The following METTL24 variants were observed in gnomAD, a reference collection of about 807,000 sequenced individuals.
The protein encoded by METTL24 is probable methyltransferase-like protein 24.
Under a neutral mutation model 32.7 loss-of-function variants are expected in METTL24, and 29 were observed. The observed-to-expected ratio is 0.89, with a 90% CI of 0.66 to 1.21. The LOEUF (loss-of-function observed/expected upper bound fraction) is 1.21. Ranked by LOEUF, METTL24 falls within the 50% of genes most tolerant of loss-of-function variation. The pLI is 0.00. For missense variants in METTL24, 439 were observed against 468.1 expected, an observed-to-expected ratio of 0.94 and a Z score of 0.57; for synonymous variants, 163 against 179.5, an observed-to-expected ratio of 0.91 and a Z score of 0.73.
chr6:110,354,679 C>G (rs765291163), intron 1 of METTL24, among the ~76,000 whole-genome samples: 11 of 152,208 alleles, frequency 7.2e-5, no homozygotes, highest in Non-Finnish European at 1.6e-4. Flanking sequence ...AAGACTTGTC[C>G]CTAGAGAGAT....
chr6:110,293,311 T>C (rs550610294), intron 4 of METTL24, among the ~76,000 whole-genome samples: 195 of 152,204 alleles, frequency 1.3e-3, no homozygotes, highest in African/African-American at 4.5e-3. Flanking sequence ...ACATGTCTCA[T>C]TAAGTTTATC....
intron 3 of METTL24, among the ~76,000 whole-genome samples, chr6:110,299,398 C>T (rs1037843476): frequency 4.6e-5 from 7 of 151,896 alleles, no homozygotes; most frequent in Admixed American, 2.0e-4. Flanking sequence ...AACATGTAGG[C>T]GCATCATCAA....
chr6:110,315,010 G>A (rs1375711915), intron 3 of METTL24, among the ~76,000 whole-genome samples: 5 of 151,026 alleles, frequency 3.3e-5, no homozygotes, highest in African/African-American at 7.3e-5. Flanking sequence ...TTTGCTGCAC[G>A]CAGTAATATT....
intron 4 of METTL24, among the ~76,000 whole-genome samples, chr6:110,272,972 G>C (rs1770983923): frequency 1.3e-5 from 2 of 151,962 alleles, no homozygotes. Context: ...AGTTTAATTA[G>C]GTCCCAATTA....
At chr6:110,286,627 G>C (rs1198194245) in intron 4 of METTL24, among the ~76,000 whole-genome samples, 1 of 152,192 alleles carries the variant, frequency 6.6e-6, no homozygotes, top group African/African-American at 2.4e-5. Context: ...AGGGAAAATG[G>C]AAGGTAGAAC....
In METTL24 at chr6:110,244,559, G is replaced by A. The variant is rs1584095620; in HGVS notation, c.*1387C>T. On this transcript the variant is annotated 3_prime_UTR_variant, in exon 5 of 5. Coordinates refer to ENST00000338882, the MANE Select transcript of METTL24 (RefSeq NM_001123364.3). ...TGACTCACAGTTTAGCATGGCTGGC[G>A]AGGCCTCAGGAAACTTACAGTCGTG... Among the ~76,000 whole-genome samples the A allele has an allele frequency of 6.6e-6, 1 of 152,122 alleles. No individual in the cohort carries two copies. The highest frequency in any genetic ancestry group is 1.5e-5 in the Non-Finnish European group (1 of 68,032).
At chr6:110,276,930 A>T (rs1192658514) in intron 4 of METTL24, among the ~76,000 whole-genome samples, 1 of 152,182 alleles carries the variant, frequency 6.6e-6, no homozygotes, top group Non-Finnish European at 1.5e-5. Context: ...AGATAAGAAG[A>T]ATGACAATCC....
At chr6:110,263,077 T>C (rs1376970414) in intron 4 of METTL24, among the ~76,000 whole-genome samples, 1 of 152,182 alleles carries the variant, frequency 6.6e-6, no homozygotes, top group Non-Finnish European at 1.5e-5. Flanking sequence ...GGATGCCCTC[T>C]CTCACCACTC....
At chr6:110,303,321 C>A (rs973012664) in intron 3 of METTL24, among the ~76,000 whole-genome samples, 1 of 152,034 alleles carries the variant, frequency 6.6e-6, no homozygotes, top group African/African-American at 2.4e-5. Context: ...GAGAACCATT[C>A]ACTCCCCTGG....
chr6:110,269,030 G>A (rs1002199060), intron 4 of METTL24, among the ~76,000 whole-genome samples: 1 of 152,074 alleles, frequency 6.6e-6, no homozygotes, highest in Non-Finnish European at 1.5e-5. Flanking sequence ...AATTATTTGA[G>A]ACCCAATATA....
intron 1 of METTL24, among the ~76,000 whole-genome samples, chr6:110,345,191 G>T (rs944200900): frequency 1.3e-5 from 2 of 152,104 alleles, no homozygotes; most frequent in African/African-American, 4.8e-5. Flanking sequence ...CAATATTACG[G>T]ATCAGTAGAG....
intron 1 of METTL24, among the ~76,000 whole-genome samples, chr6:110,333,187 T>C (rs908812517): frequency 6.6e-6 from 1 of 152,064 alleles, no homozygotes; most frequent in Non-Finnish European, 1.5e-5. Context: ...CCCCCAAACA[T>C]TTACCAGCCC....
chr6:110,274,971 G>C (rs2114712109), intron 4 of METTL24, among the ~76,000 whole-genome samples: 1 of 151,000 alleles, frequency 6.6e-6, no homozygotes, highest in East Asian at 2.0e-4. Context: ...ACTAATTTTT[G>C]TATTTTTTGT....
chr6:110,265,734 A>C (rs1770845230), intron 4 of METTL24, among the ~76,000 whole-genome samples: 1 of 152,182 alleles, frequency 6.6e-6, no homozygotes. Flanking sequence ...GGAGAGCTGG[A>C]TGGAACTTGG....
At chr6:110,342,745 C>T (rs942428569) in intron 1 of METTL24, among the ~76,000 whole-genome samples, 6 of 152,170 alleles carry the variant, frequency 3.9e-5, no homozygotes, top group Non-Finnish European at 2.9e-5. Context: ...AACCACTAAT[C>T]TACTTTCTGT....
At position 110,244,918 on chromosome 6, in the gene METTL24, C is replaced by T. The variant is rs1003838599; in HGVS notation, c.*1028G>A. The stretch of plus-strand genomic sequence containing the variant: ...CAGACCGAAGGAGCCAGATGGAAAC[C>T]AGAATATGTGAGTCAAGAAAATGGT... On this transcript the variant is annotated 3_prime_UTR_variant, in exon 5 of 5. Coordinates refer to ENST00000338882, the MANE Select transcript of METTL24 (RefSeq NM_001123364.3). 6.6e-6 allele frequency among the ~76,000 whole-genome samples: 1 copy of T among 152,064 alleles called. No individual in the cohort carries two copies. The highest frequency in any genetic ancestry group is 1.5e-5 in the Non-Finnish European group (1 of 68,014).
chr6:110,318,419 A>G (rs2114750239), intron 2 of METTL24, among the ~76,000 whole-genome samples: 1 of 152,186 alleles, frequency 6.6e-6, no homozygotes, highest in Non-Finnish European at 1.5e-5. Flanking sequence ...AGGCCGAGGC[A>G]GGCAGATCAC....
At chr6:110,266,218 G>C (rs1770855713) in intron 4 of METTL24, among the ~76,000 whole-genome samples, 1 of 151,518 alleles carries the variant, frequency 6.6e-6, no homozygotes, top group African/African-American at 2.4e-5. Context: ...AAAAAAAAAT[G>C]CTTCTATTTT....
intron 3 of METTL24, among the ~76,000 whole-genome samples, chr6:110,313,027 A>G (rs563549454): frequency 2.0e-5 from 3 of 152,356 alleles, no homozygotes; most frequent in South Asian, 4.1e-4. Context: ...TAAAGTTACA[A>G]AGTCATTTAC....
Sources: gnomAD v4.1 joint callset for allele counts (sites outside exome capture counted in the v4.1 genomes callset) on GRCh38, gnomAD v4.1.1 for gene constraint, MANE v1.5 for transcripts, NCBI Gene and HGNC (gene_info 2026-07-23, HGNC 2026-07-21) for gene names.